The following ERBB4 variants were observed in gnomAD, a reference collection of about 807,000 sequenced individuals.
ERBB4 encodes erb-b2 receptor tyrosine kinase 4, also known as receptor tyrosine-protein kinase erbB-4.
In ERBB4, 42 loss-of-function variants were observed where a neutral mutation model predicts 158.0. That is an observed-to-expected ratio of 0.27 (90% CI 0.21 to 0.34). ERBB4 has a LOEUF of 0.34. Ranked by LOEUF, ERBB4 falls within the 10% of genes least tolerant of loss-of-function variation. The probability of loss-of-function intolerance (pLI) is 1.00; values close to 1 mark genes in which losing one functional copy is unlikely to be tolerated. For synonymous variants in ERBB4, 583 were observed against 558.7 expected, an observed-to-expected ratio of 1.04 and a Z score of -0.61; for missense variants, 1,333 against 1,624.1, an observed-to-expected ratio of 0.82 and a Z score of 3.08.
At chr2:211,671,267 A>C (rs553723979) in intron 14 of ERBB4, among the ~76,000 whole-genome samples, 3 of 152,308 alleles carry the variant, frequency 2.0e-5, no homozygotes, top group Admixed American at 2.0e-4. Context: ...ATAATTTTGA[A>C]TATTAATGTT....
At chr2:212,357,113 A>G (rs1319426909) in intron 1 of ERBB4, among the ~76,000 whole-genome samples, 1 of 151,900 alleles carries the variant, frequency 6.6e-6, no homozygotes. Flanking sequence ...CAAATTTGCT[A>G]TTCCTGGATA....
At chr2:211,790,871 A>G (rs2076264418) in intron 3 of ERBB4, among the ~76,000 whole-genome samples, 1 of 151,990 alleles carries the variant, frequency 6.6e-6, no homozygotes, top group African/African-American at 2.4e-5. Context: ...CAGAGAATGT[A>G]GAATTTCATT....
chr2:211,498,402 T>TTA (rs2065529165), intron 20 of ERBB4, among the ~76,000 whole-genome samples: 2 of 152,230 alleles, frequency 1.3e-5, no homozygotes, highest in Non-Finnish European at 2.9e-5. Flanking sequence ...CATTAAAGTT[T>TTA]TATATATATC....
chr2:212,324,034 C>T (rs905881), intron 1 of ERBB4, among the ~76,000 whole-genome samples: 102,804 of 149,890 alleles, frequency 0.69, 37,102 homozygotes, highest in Non-Finnish European at 0.75. Flanking sequence ...TCCAGAATAT[C>T]GTAAGTCAAC....
chr2:212,305,149 T>C (rs904684108), intron 1 of ERBB4, among the ~76,000 whole-genome samples: 13 of 151,462 alleles, frequency 8.6e-5, no homozygotes, highest in African/African-American at 2.4e-4. Flanking sequence ...TGAAACCAGA[T>C]ACAATAATAA....
intron 3 of ERBB4, among the ~76,000 whole-genome samples, chr2:211,871,904 AAGC>A (rs1310589562): frequency 1.3e-5 from 2 of 152,088 alleles, no homozygotes; most frequent in African/African-American, 4.8e-5. Context: ...GAGGGAGGAG[AAGC>A]AGGAGGAGGA....
intron 1 of ERBB4, among the ~76,000 whole-genome samples, chr2:212,263,614 ATAAAG>A (rs945797845): frequency 1.3e-5 from 2 of 152,086 alleles, no homozygotes; most frequent in African/African-American, 4.8e-5. Context: ...TAACAATTCT[ATAAAG>A]TAAATTGCTT....
chr2:211,880,776 G>T (rs2078640185), intron 3 of ERBB4, among the ~76,000 whole-genome samples: 1 of 148,052 alleles, frequency 6.8e-6, no homozygotes, highest in Non-Finnish European at 1.5e-5. Flanking sequence ...ATGTCCCAAA[G>T]AAATGAACAG....
intron 1 of ERBB4, among the ~76,000 whole-genome samples, chr2:212,486,169 G>A (rs1689968330): frequency 6.6e-6 from 1 of 151,688 alleles, no homozygotes; most frequent in African/African-American, 2.4e-5. Context: ...CAAAATAAGG[G>A]AGGTATAATA....
intron 2 of ERBB4, among the ~76,000 whole-genome samples, chr2:211,968,487 C>T (rs1416585234): frequency 6.6e-6 from 1 of 152,010 alleles, no homozygotes; most frequent in Non-Finnish European, 1.5e-5. Flanking sequence ...ATATGAAATA[C>T]ATAAAACAGA....
chr2:211,767,013 T>C (rs2075566156), intron 4 of ERBB4, among the ~76,000 whole-genome samples: 1 of 152,148 alleles, frequency 6.6e-6, no homozygotes. Flanking sequence ...ACTTCATTAA[T>C]AGGGTGTAAA....
At position 211,860,961 on chromosome 2, in the gene ERBB4, T is replaced by C. The variant is rs1206529412; in HGVS notation, c.422-72802A>G. Among the ~76,000 whole-genome samples, 2 of 101,086 alleles carry C rather than the reference T, an allele frequency of 2.0e-5. 1 individual carries two copies. The highest frequency in any genetic ancestry group is 3.8e-5 in the Non-Finnish European group (2 of 52,112). 66.3% of individuals were successfully genotyped at this position (101,086 alleles called of 152,430 possible). On this transcript the variant is annotated intron_variant, in intron 3 of 27. Coordinates refer to ENST00000342788, the MANE Select transcript of ERBB4 (RefSeq NM_005235.3). ...TATATATATTTTATATATATATAAA[T>C]ATATAAATATATTTAAATATATTAT...
At chr2:211,844,345 A>G (rs1363734622) in intron 3 of ERBB4, among the ~76,000 whole-genome samples, 1 of 152,214 alleles carries the variant, frequency 6.6e-6, no homozygotes, top group Non-Finnish European at 1.5e-5. Context: ...GATATTTTTC[A>G]CTTATCTTCA....
intron 1 of ERBB4, among the ~76,000 whole-genome samples, chr2:212,431,057 T>C (rs896112754): frequency 6.6e-6 from 1 of 152,154 alleles, no homozygotes; most frequent in East Asian, 1.9e-4. Context: ...TGATGTTTTC[T>C]GAATTTTTTA....
At chr2:212,130,992 T>C (rs928748307) in intron 1 of ERBB4, among the ~76,000 whole-genome samples, 14 of 152,202 alleles carry the variant, frequency 9.2e-5, no homozygotes, top group Non-Finnish European at 1.6e-4. Flanking sequence ...TTTATGCATA[T>C]TGTTGGGCAT....
intron 5 of ERBB4, among the ~76,000 whole-genome samples, chr2:211,732,962 G>C (rs1443318099): frequency 1.3e-5 from 2 of 152,200 alleles, no homozygotes; most frequent in African/African-American, 4.8e-5. Context: ...GCGTGACTGA[G>C]TGAGACTCCG....
At chr2:211,387,906 A>G in intron 26 of ERBB4, 39 bp downstream of exon 26, 1 of 1,526,330 alleles carries the variant, frequency 6.6e-7, no homozygotes, top group South Asian at 1.1e-5. Flanking sequence ...GCAAAGACCG[A>G]AAATCCTAAA....
At chr2:211,455,594 G>C (rs1300367730) in intron 20 of ERBB4, among the ~76,000 whole-genome samples, 1 of 152,132 alleles carries the variant, frequency 6.6e-6, no homozygotes, top group Non-Finnish European at 1.5e-5. Flanking sequence ...AAATTAAAAT[G>C]ATTACTTAAG....
In ERBB4 at chr2:211,515,216, A is replaced by T. The variant is rs187694947; in HGVS notation, c.2487+46687T>A. ...AGAGCTGAATCTGAAGGGAACCAAG[A>T]AAAAGGAAAATTGTGAGGGGGTCTT... On this transcript the variant is annotated intron_variant, in intron 20 of 27. Coordinates refer to ENST00000342788, the MANE Select transcript of ERBB4 (RefSeq NM_005235.3). Among the ~76,000 whole-genome samples, 766 of 152,220 alleles carry T rather than the reference A, an allele frequency of 5.0e-3. 12 individuals are homozygous for T. The highest frequency in any genetic ancestry group is 0.017 in the African/African-American group (725 of 41,542).
Sources: gnomAD v4.1 joint callset for allele counts (sites outside exome capture counted in the v4.1 genomes callset) on GRCh38, gnomAD v4.1.1 for gene constraint, MANE v1.5 for transcripts, NCBI Gene and HGNC (gene_info 2026-07-23, HGNC 2026-07-21) for gene names.